Variants in CAMK2D observed in about 807,000 individuals in gnomAD.
CAMK2D encodes calcium/calmodulin-dependent protein kinase type II subunit delta.
CAMK2D carries 37 observed loss-of-function variants against 84.0 expected under a neutral mutation model. The observed-to-expected ratio is 0.44, with a 90% CI of 0.34 to 0.58. The LOEUF (loss-of-function observed/expected upper bound fraction) is 0.58. CAMK2D is among the 20% of genes least tolerant of loss of function. CAMK2D has a pLI of 0.02. For missense variants in CAMK2D, 448 were observed against 652.5 expected, an observed-to-expected ratio of 0.69 and a Z score of 3.41; for synonymous variants, 202 against 212.5, an observed-to-expected ratio of 0.95 and a Z score of 0.43.
At chr4:113,504,007 G>A (rs1307418369) in intron 14 of CAMK2D, among the ~76,000 whole-genome samples, 1 of 152,104 alleles carries the variant, frequency 6.6e-6, no homozygotes, top group African/African-American at 2.4e-5. Flanking sequence ...CTTGGCTACA[G>A]CTGTGATCAA....
intron 3 of CAMK2D, among the ~76,000 whole-genome samples, chr4:113,628,970 G>C (rs17046300): frequency 0.013 from 1,987 of 152,036 alleles, 55 homozygotes; most frequent in African/African-American, 0.046. Context: ...AGCTCAGTTG[G>C]AAGAACATTT....
intron 3 of CAMK2D, among the ~76,000 whole-genome samples, chr4:113,652,412 T>C (rs923310161): frequency 2.8e-4 from 43 of 152,146 alleles, no homozygotes; most frequent in African/African-American, 9.9e-4. Flanking sequence ...CTACTTCACA[T>C]CTTAATACAA....
chr4:113,504,982 T>C lies in CAMK2D; in HGVS notation c.1038A>G (p.Pro346=), dbSNP rs1356203305. ...VTSPKENIPT[P]ALEPQTTVIH... ...ACAAAGAGTCCAGGTATACCAGCGC[T>C]GGGGTAGGAATATTTTCTTTGGGGC... is the stretch of plus-strand genomic sequence containing the variant. Residue 346 remains proline, a synonymous_variant, in exon 14 of 21, where the codon CCA becomes CCG. Coordinates refer to ENST00000511664, the MANE Select transcript of CAMK2D (RefSeq NM_001321571.2). 2 of 1,569,518 alleles carry C rather than the reference T, an allele frequency of 1.3e-6. No homozygotes were observed. The highest frequency in any genetic ancestry group is 2.7e-5 in the African/African-American group (2 of 74,136).
chr4:113,480,565 G>C (rs1462746767), intron 16 of CAMK2D, among the ~76,000 whole-genome samples: 2 of 152,262 alleles, frequency 1.3e-5, no homozygotes, highest in South Asian at 4.1e-4. Context: ...TGAGGGCCGG[G>C]TGCAGTGGCT....
chr4:113,679,486 C>T (rs2099331956), intron 2 of CAMK2D: 3 of 952,932 alleles, frequency 3.1e-6, no homozygotes. Context: ...CCAGTCTCTG[C>T]TTTTTCTGTC....
chr4:113,751,626 C>T (rs892773600), intron 2 of CAMK2D, among the ~76,000 whole-genome samples: 16 of 152,000 alleles, frequency 1.1e-4, no homozygotes, highest in African/African-American at 3.1e-4. Flanking sequence ...AAAAATTAGC[C>T]AGGCGTGGTG....
In CAMK2D at chr4:113,622,896, T is replaced by C. The variant is rs1461595891; in HGVS notation, c.221-13690A>G. ...TATCTAATTCTCTAGAATAGGTATC[T>C]TTATTTTGTTTTATTTGCTATTGAT... On this transcript the variant is annotated intron_variant, in intron 3 of 20. Coordinates refer to ENST00000511664, the MANE Select transcript of CAMK2D (RefSeq NM_001321571.2). Among the ~76,000 whole-genome samples the C allele has an allele frequency of 2.0e-5, 3 of 152,226 alleles. No homozygotes were observed. The East Asian group carries it at 5.8e-4, about 29-fold the overall frequency.
chr4:113,689,463 A>G (rs2099376396), intron 2 of CAMK2D, among the ~76,000 whole-genome samples: 1 of 152,088 alleles, frequency 6.6e-6, no homozygotes, highest in Non-Finnish European at 1.5e-5. Flanking sequence ...CAAGGTCTGT[A>G]AGTTCCTATT....
intron 18 of CAMK2D, 142 bp downstream of exon 18, chr4:113,460,005 T>G (rs963748279): frequency 3.2e-6 from 2 of 626,550 alleles, no homozygotes; most frequent in Non-Finnish European, 5.7e-6. Flanking sequence ...TTTTCAATTT[T>G]GAATACAAAA....
At chr4:113,758,833 A>G (rs1050386574) in intron 2 of CAMK2D, among the ~76,000 whole-genome samples, 1 of 152,218 alleles carries the variant, frequency 6.6e-6, no homozygotes, top group Non-Finnish European at 1.5e-5. Context: ...GAATATAGCA[A>G]TCATAAATTT....
chr4:113,580,943 G>C (rs934754048), intron 4 of CAMK2D, among the ~76,000 whole-genome samples: 14 of 151,200 alleles, frequency 9.3e-5, no homozygotes, highest in Non-Finnish European at 1.8e-4. Context: ...GAGAATATTA[G>C]AAAAAATAGC....
In CAMK2D at chr4:113,535,388, C is replaced by T. The variant is rs186712292; in HGVS notation, c.517+1953G>A. Reference sequence around the variant, plus strand: ...ACGCTATCATCATGCATAATTTGAACGATTGTTTTAGTCTAACTGGGTCCT... The same window carrying T: ...ACGCTATCATCATGCATAATTTGAATGATTGTTTTAGTCTAACTGGGTCCT... On this transcript the variant is annotated intron_variant, in intron 7 of 20. Transcript: ENST00000511664. Among the ~76,000 whole-genome samples the T allele has an allele frequency of 5.9e-5, 9 of 152,180 alleles. No individual in the cohort carries two copies. In the East Asian group the frequency reaches 1.5e-3, roughly 26 times the overall value.
At chr4:113,708,577 A>G (rs2099471847) in intron 2 of CAMK2D, among the ~76,000 whole-genome samples, 2 of 152,176 alleles carry the variant, frequency 1.3e-5, no homozygotes, top group Admixed American at 1.3e-4. Context: ...TTTCACATCA[A>G]GAGTGGGAGA....
At chr4:113,649,867 A>C (rs773964253) in intron 3 of CAMK2D, among the ~76,000 whole-genome samples, 7 of 151,896 alleles carry the variant, frequency 4.6e-5, no homozygotes, top group Admixed American at 2.0e-4. Flanking sequence ...AGATCACCTG[A>C]GATCAGGAGT....
intron 3 of CAMK2D, among the ~76,000 whole-genome samples, chr4:113,655,652 G>A (rs931523671): frequency 2.6e-5 from 4 of 151,984 alleles, no homozygotes; most frequent in African/African-American, 7.2e-5. Flanking sequence ...GGGACAACCC[G>A]GCAACAGAAT....
At chr4:113,590,646 T>C (rs2098869259) in intron 4 of CAMK2D, among the ~76,000 whole-genome samples, 1 of 152,194 alleles carries the variant, frequency 6.6e-6, no homozygotes, top group Non-Finnish European at 1.5e-5. Context: ...CAATAAAAGT[T>C]CTGGTTAATT....
chr4:113,500,654 T>G lies in CAMK2D; in HGVS notation c.1087-143A>C. 5.7e-6 allele frequency: 3 copies of G among 528,082 alleles called. No individual in the cohort carries two copies. In the South Asian group the frequency reaches 8.6e-5, roughly 15 times the overall value. The allele number at this position is 528,082 out of a possible 1,614,324, so 32.7% of individuals were successfully genotyped here. Reference sequence around the variant, plus strand: ...GCTGACATGCAAATGGACAAACACATTAAGTGGTTTTTAACAGAAATAAAA... The same window carrying G: ...GCTGACATGCAAATGGACAAACACAGTAAGTGGTTTTTAACAGAAATAAAA... On this transcript the variant is annotated intron_variant, in intron 15 of 20. Transcript: ENST00000511664.
chr4:113,719,080 A>G (rs905436351), intron 2 of CAMK2D, among the ~76,000 whole-genome samples: 1 of 152,344 alleles, frequency 6.6e-6, no homozygotes, highest in East Asian at 1.9e-4. Flanking sequence ...TAAACTGTTA[A>G]TGAATAATTT....
At chr4:113,464,426 G>A (rs1311503409) in intron 17 of CAMK2D, among the ~76,000 whole-genome samples, 7 of 152,012 alleles carry the variant, frequency 4.6e-5, no homozygotes, top group African/African-American at 1.2e-4. Context: ...AAGTATACAC[G>A]TTTTATCTAT....
Sources: allele counts gnomAD v4.1 joint callset (sites outside exome capture counted in the v4.1 genomes callset), GRCh38; gene constraint gnomAD v4.1.1; transcripts MANE v1.5; gene names NCBI Gene and HGNC (gene_info 2026-07-23, HGNC 2026-07-21).